Variants in STIL observed in about 807,000 individuals in gnomAD.
The protein encoded by STIL is STIL centriolar assembly protein, also known as SCL-interrupting locus protein.
A neutral mutation model predicts 110.1 loss-of-function variants in STIL; 55 were observed. The ratio of observed to expected loss-of-function variants is 0.50; its 90% CI spans 0.40 to 0.63. STIL has a LOEUF of 0.63. Ranked by LOEUF, STIL falls within the 20% of genes least tolerant of loss-of-function variation. STIL has a pLI of 0.00. For synonymous variants in STIL, 481 were observed against 530.0 expected, an observed-to-expected ratio of 0.91 and a Z score of 1.27; for missense variants, 1,358 against 1,530.0, an observed-to-expected ratio of 0.89 and a Z score of 1.87.
At position 47,251,505 on chromosome 1, in the gene STIL, A is replaced by AG; in HGVS notation, c.3497_3498insC (p.Gly1167TrpfsTer7). 1 of 1,614,220 alleles carries AG rather than the reference A, an allele frequency of 6.2e-7. No homozygotes were observed. Among genetic ancestry groups the AG allele is most frequent in the Non-Finnish European group, 8.5e-7 (1 of 1,180,040 alleles). On this transcript the variant is annotated frameshift_variant, in exon 17 of 17. Transcript: ENST00000371877. LOFTEE classifies it low-confidence loss of function (END_TRUNC). Reference sequence around the variant, plus strand: ...CATTCTTAGAAGGCTCTTTCTGACCACCAAGCTGTTCAGGTATGGACCTAA... The same window carrying AG: ...CATTCTTAGAAGGCTCTTTCTGACCAGCCAAGCTGTTCAGGTATGGACCTAA...
At chr1:47,270,253 TATACACACACACACACAC>T (rs1644793604) in intron 13 of STIL, among the ~76,000 whole-genome samples, 2 of 118,212 alleles carry the variant, frequency 1.7e-5, no homozygotes, top group African/African-American at 3.5e-5. Context: ...TATATATATA[TATACACACACACACACAC>T]ACACACACAC....
chr1:47,308,882 C>T (rs1444353383), intron 2 of STIL, among the ~76,000 whole-genome samples: 3 of 151,918 alleles, frequency 2.0e-5, no homozygotes, highest in East Asian at 3.9e-4. Context: ...GGTGAAACCC[C>T]GTCTCTACTA....
chr1:47,255,365 T>C (rs1402930829), intron 16 of STIL, among the ~76,000 whole-genome samples: 6 of 151,930 alleles, frequency 3.9e-5, no homozygotes, highest in African/African-American at 1.5e-4. Context: ...CCAACTCAGA[T>C]GACAATCAAG....
chr1:47,299,050 G>A (rs1330200914), intron 6 of STIL, among the ~76,000 whole-genome samples: 2 of 120,538 alleles, frequency 1.7e-5, no homozygotes, highest in Admixed American at 8.6e-5. Flanking sequence ...TTTTTTTTTA[G>A]AACTGAGGTC....
chr1:47,264,294 A>G (rs1234480791), intron 14 of STIL, among the ~76,000 whole-genome samples: 2 of 152,322 alleles, frequency 1.3e-5, no homozygotes, highest in African/African-American at 2.4e-5. Flanking sequence ...CAGTCCTCAG[A>G]ACAATGAGAA....
intron 14 of STIL, among the ~76,000 whole-genome samples, chr1:47,265,255 A>C (rs1045458165): frequency 6.6e-6 from 1 of 150,736 alleles, no homozygotes; most frequent in Admixed American, 6.6e-5. Flanking sequence ...AAAAAAAAAA[A>C]AAAAACACAA....
intron 15 of STIL, among the ~76,000 whole-genome samples, chr1:47,262,004 T>C (rs1342558802): frequency 6.6e-6 from 1 of 152,210 alleles, no homozygotes; most frequent in African/African-American, 2.4e-5. Context: ...TGCTTTCGTT[T>C]GCAAAGTGAT....
At chr1:47,288,672 A>G (rs1267542092) in intron 9 of STIL, among the ~76,000 whole-genome samples, 3 of 152,152 alleles carry the variant, frequency 2.0e-5, no homozygotes, top group Admixed American at 1.3e-4. Flanking sequence ...GTAACAATCT[A>G]TTCTGATTCC....
At chr1:47,271,812 A>AC (rs1644848681) in intron 13 of STIL, among the ~76,000 whole-genome samples, 4 of 151,012 alleles carry the variant, frequency 2.6e-5, no homozygotes, top group Non-Finnish European at 5.9e-5. Context: ...CCATTTCAAA[A>AC]AAAAAAACAA....
chr1:47,285,999 C>T (rs1286211197), intron 10 of STIL, among the ~76,000 whole-genome samples: 12 of 150,684 alleles, frequency 8.0e-5, no homozygotes, highest in Non-Finnish European at 1.0e-4. Flanking sequence ...TTCAGCGTAC[C>T]GAGTAGCTGG....
Position 47,276,812 on chromosome 1 carries a change from TAAAAAAA to T in STIL, c.2217+3422_2217+3428del, listed in dbSNP as rs36154290. Among the ~76,000 whole-genome samples, 10 of 67,646 alleles carry T rather than the reference TAAAAAAA, an allele frequency of 1.5e-4. No individual in the cohort carries two copies. The South Asian group carries it at 2.0e-3, about 14-fold the overall frequency. The allele number at this position is 67,646 out of a possible 152,430, so 44.4% of individuals were successfully genotyped here. On this transcript the variant is annotated intron_variant, in intron 12 of 16. Transcript: ENST00000371877. ...CTGGGTGAAAGAGTAAAACTCTGCC[TAAAAAAA>T]AAAAAAAAAAAAAAAAAAAACCATC... is the stretch of plus-strand genomic sequence containing the variant.
In STIL at chr1:47,300,151, G is replaced by T; in HGVS notation, c.455C>A (p.Ala152Asp). 1 of 1,612,658 alleles carries T rather than the reference G, an allele frequency of 6.2e-7. No individual in the cohort carries two copies. Among genetic ancestry groups the T allele is most frequent in the Non-Finnish European group, 8.5e-7 (1 of 1,179,578 alleles). ...TTTGCTACATATATGGCACTGTAGA[G>T]CCTGAGAAATCAATATTAAATAATT... ...SVDDFSSALK[A>D]LQCHICSKDS... Residue 152 changes from alanine (A) to aspartate (D), a missense_variant and splice_region_variant, in exon 6 of 17, where the codon GCT (alanine) becomes GAT (aspartate). Ala to Asp is a moderately radical substitution (Grantham distance 126, BLOSUM62 -2). Transcript: ENST00000371877.
intron 12 of STIL, among the ~76,000 whole-genome samples, chr1:47,277,261 A>G (rs1407347521): frequency 6.6e-6 from 1 of 152,232 alleles, no homozygotes; most frequent in Non-Finnish European, 1.5e-5. Context: ...AAGTACAAAA[A>G]GTTAAAGAAA....
rs753912444 is a variant in STIL, at chr1:47,281,145, G to A, written c.1313C>T (p.Ser438Leu). 1.2e-6 allele frequency: 2 copies of A among 1,613,912 alleles called. No homozygotes were observed. The highest frequency in any genetic ancestry group is 1.7e-6 in the Non-Finnish European group (2 of 1,179,980). ...TTCCAATGGAGTAGGCAGAGGGTTT[G>A]ATTCTATGAAATTGCCATCCAACAC... ...SLVLDGNFIE[S>L]NPLPTPLEMV... The change falls in exon 12 of 17, where the codon TCA becomes TTA. Residue 438 changes from serine to leucine, a missense_variant. Coordinates refer to ENST00000371877, the MANE Select transcript of STIL (RefSeq NM_001048166.1).
rs529497516 is a variant in STIL at position 47,277,005 on chromosome 1, T to C, written c.2217+3236A>G. On this transcript the variant is annotated intron_variant, in intron 12 of 16. Transcript: ENST00000371877. Reference sequence around the variant, plus strand: ...CCTTTCCAGCAGCCATTTTCACTCATTCAAGTAACAAACTATGTATTAAGC... The same window carrying C: ...CCTTTCCAGCAGCCATTTTCACTCACTCAAGTAACAAACTATGTATTAAGC... Among the ~76,000 whole-genome samples the C allele has an allele frequency of 2.0e-5, 3 of 152,112 alleles. No homozygotes were observed. In the South Asian group the frequency reaches 6.2e-4, roughly 31 times the overall value.
At chr1:47,263,229 G>T in intron 14 of STIL, 113 bp from the exon 15 acceptor site, 1 of 981,338 alleles carries the variant, frequency 1.0e-6, no homozygotes, top group Non-Finnish European at 1.6e-6. Context: ...TGTATTTTTA[G>T]CTCTTAGTGA....
chr1:47,261,900 T>C lies in STIL; in HGVS notation c.2829+1003A>G, dbSNP rs1378716096. ...GCACTCTAGCCTGGGTGACAGAGAC[T>C]CTGTCTCAAAAAAAAAAAAAAAAAT... is the stretch of plus-strand genomic sequence containing the variant. On this transcript the variant is annotated intron_variant, in intron 15 of 16. Transcript: ENST00000371877. 1.7e-4 allele frequency among the ~76,000 whole-genome samples: 25 copies of C among 149,986 alleles called. No homozygotes were observed. The East Asian group carries it at 4.9e-3, about 29-fold the overall frequency.
intron 1 of STIL, among the ~76,000 whole-genome samples, chr1:47,312,145 T>C (rs1646143933): frequency 6.6e-6 from 1 of 152,170 alleles, no homozygotes; most frequent in African/African-American, 2.4e-5. Flanking sequence ...CTGAAAATCC[T>C]ATTGAAAATG....
chr1:47,300,434 TA>T (rs1645770272), intron 5 of STIL, among the ~76,000 whole-genome samples: 1 of 152,018 alleles, frequency 6.6e-6, no homozygotes, highest in Non-Finnish European at 1.5e-5. Flanking sequence ...TCACCCCCAA[TA>T]AATATTTACC....
Sources: gnomAD v4.1 joint callset for allele counts (sites outside exome capture counted in the v4.1 genomes callset) on GRCh38, gnomAD v4.1.1 for gene constraint, MANE v1.5 for transcripts, NCBI Gene and HGNC (gene_info 2026-07-23, HGNC 2026-07-21) for gene names.